Variants in OSBP observed in about 807,000 individuals in gnomAD.
OSBP encodes the protein oxysterol-binding protein 1.
Under a neutral mutation model 96.6 loss-of-function variants are expected in OSBP, and 32 were observed. The ratio of observed to expected loss-of-function variants is 0.33; its 90% confidence interval spans 0.25 to 0.45. The LOEUF (loss-of-function observed/expected upper bound fraction) is 0.45. Among genes scored for constraint, OSBP ranks in the 20% least tolerant of loss-of-function variants. OSBP has a pLI of 1.00. For synonymous variants in OSBP, 369 were observed against 389.6 expected (o/e 0.95, Z 0.62); for missense variants, 653 against 1,029.7 (o/e 0.63, Z 5.01).
chr11:59,610,377 T>TG lies in OSBP; in HGVS notation c.571+3dup. On this transcript the variant is annotated splice_donor_region_variant and intron_variant, in intron 2 of 13. Transcript: ENST00000263847. ...TCCCCAGGCAGGTGTTCTTTGTTCC[T>TG]GACCTGACTCTGCCAGCATCTTCAC... 2 of 1,612,384 alleles carry TG rather than the reference T, an allele frequency of 1.2e-6. No homozygotes were observed. Among genetic ancestry groups the TG allele is most frequent in the Non-Finnish European group, 1.7e-6 (2 of 1,179,718 alleles).
At position 59,604,288 on chromosome 11, in the gene OSBP, C is replaced by T. The variant is rs112994936; in HGVS notation, c.823-2450G>A. 5.8e-3 allele frequency among the ~76,000 whole-genome samples: 883 copies of T among 152,166 alleles called. 4 individuals carry two copies. Among genetic ancestry groups the T allele is most frequent in the African/African-American group, 0.02 (827 of 41,510 alleles). ...ATTATAAGCTGGGCATGGTAGCTCA[C>T]GTATGTAAAACACTTTGGAAGGCCA... On this transcript the variant is annotated intron_variant, in intron 3 of 13. Coordinates refer to ENST00000263847, the MANE Select transcript of OSBP (RefSeq NM_002556.3).
At chr11:59,590,440 G>A (rs926124230) in intron 9 of OSBP, among the ~76,000 whole-genome samples, 1 of 152,184 alleles carries the variant, frequency 6.6e-6, no homozygotes, top group African/African-American at 2.4e-5. Flanking sequence ...AGCTGGTTAA[G>A]TTGACCCTGA....
intron 1 of OSBP, among the ~76,000 whole-genome samples, chr11:59,612,631 A>G (rs928583555): frequency 1.3e-5 from 2 of 152,238 alleles, no homozygotes; most frequent in South Asian, 2.1e-4. Context: ...GAGTCTGGGC[A>G]GATACACTTA....
chr11:59,585,053 G>A (rs1860478355), intron 9 of OSBP, among the ~76,000 whole-genome samples: 1 of 151,824 alleles, frequency 6.6e-6, no homozygotes. Flanking sequence ...CTGCCCGGCC[G>A]CCACCCCGTC....
Position 59,610,255 on chromosome 11 carries a change from C to T in OSBP, c.571+126G>A, listed in dbSNP as rs569312108. ...CTCCAGCAGAAATACTGCATGAAGACGAGAAGCTTGAGACCTCTAGGAAAT... is the reference window on the plus strand; with the variant it reads ...CTCCAGCAGAAATACTGCATGAAGATGAGAAGCTTGAGACCTCTAGGAAAT... On this transcript the variant is annotated intron_variant, in intron 2 of 13. Transcript: ENST00000263847. 1.4e-5 allele frequency: 11 copies of T among 809,068 alleles called. No homozygotes were observed. The Admixed American group carries it at 1.7e-4, about 12-fold the overall frequency. The allele number at this position is 809,068 out of a possible 1,614,324, so 50.1% of individuals were successfully genotyped here. A position where few individuals can be genotyped will look rare whatever the true frequency, so the allele number is the denominator to read the frequency against.
At chr11:59,606,249 C>T (rs1590677823) in intron 3 of OSBP, among the ~76,000 whole-genome samples, 1 of 151,922 alleles carries the variant, frequency 6.6e-6, no homozygotes, top group Non-Finnish European at 1.5e-5. Context: ...CAATAGATGG[C>T]AGATGAATAT....
chr11:59,611,922 G>A (rs1178551974), intron 1 of OSBP, among the ~76,000 whole-genome samples: 1 of 152,202 alleles, frequency 6.6e-6, no homozygotes, highest in Non-Finnish European at 1.5e-5. Context: ...CACAAACTGT[G>A]TCATTTCCCT....
intron 11 of OSBP, 80 bp downstream of exon 11, chr11:59,580,094 T>G: frequency 1.1e-6 from 1 of 914,116 alleles, no homozygotes; most frequent in Non-Finnish European, 1.8e-6. Flanking sequence ...CCCACATGTA[T>G]ATACATTCCA....
chr11:59,610,257 A>T, intron 2 of OSBP, 124 bp downstream of exon 2: 1 of 824,418 alleles, frequency 1.2e-6, no homozygotes, highest in Non-Finnish European at 2.0e-6. Context: ...CATGAAGACG[A>T]GAAGCTTGAG....
Position 59,576,155 on chromosome 11 carries a change from A to G in OSBP, c.*422T>C, listed in dbSNP as rs1177616865. ...TGTGTTTCTTTTTAAGGGAACTTCTAAATTCGGCTCTTGCTTTTAACAGCA... is the reference window on the plus strand; with the variant it reads ...TGTGTTTCTTTTTAAGGGAACTTCTGAATTCGGCTCTTGCTTTTAACAGCA... On this transcript the variant is annotated 3_prime_UTR_variant, in exon 14 of 14. Transcript: ENST00000263847. 1 of 165,026 alleles carries G rather than the reference A, an allele frequency of 6.1e-6. No individual in the cohort carries two copies. The highest frequency in any genetic ancestry group is 1.8e-4 in the East Asian group (1 of 5,588). 10.2% of individuals were successfully genotyped at this position (165,026 alleles called of 1,614,324 possible).
At chr11:59,607,401 T>C (rs1308281546) in intron 3 of OSBP, among the ~76,000 whole-genome samples, 1 of 152,188 alleles carries the variant, frequency 6.6e-6, no homozygotes, top group Non-Finnish European at 1.5e-5. Flanking sequence ...CTTTTTACTT[T>C]GTGTGAATCA....
intron 9 of OSBP, among the ~76,000 whole-genome samples, chr11:59,585,386 G>GA (rs1483972975): frequency 4.9e-3 from 9 of 1,834 alleles, no homozygotes; most frequent in Middle Eastern, 0.25. Context: ...GAAGTGAGGA[G>GA]ACCTCGCCCG....
Position 59,600,530 on chromosome 11 carries a change from C to A in OSBP, c.1277G>T (p.Cys426Phe). 1 of 1,614,030 alleles carries A rather than the reference C, an allele frequency of 6.2e-7. No individual in the cohort carries two copies. Among genetic ancestry groups the A allele is most frequent in the Non-Finnish European group, 8.5e-7 (1 of 1,179,990 alleles). ...SLNLWSIMKNCIGKELSKIPM... is the reference protein window; with the variant it reads ...SLNLWSIMKNFIGKELSKIPM... ...GATCTTAGAGAGTTCTTTTCCAATG[C>A]AGTTCTTCATGATGCTCCATAAATT... Residue 426 changes from cysteine (C) to phenylalanine (F), a missense_variant, in exon 7 of 14, where the codon TGC (cysteine) becomes TTC (phenylalanine). Coordinates refer to ENST00000263847, the MANE Select transcript of OSBP (RefSeq NM_002556.3).
rs1590670529 is a variant in OSBP at position 59,589,235 on chromosome 11, G to C, written c.1678+4369C>G. On this transcript the variant is annotated intron_variant, in intron 9 of 13. Transcript: ENST00000263847. ...ACTCTTGGGCCCAAGTGATCCTCCTGCCTTGGCCTCCCAAAGTGTTGGGAT... is the reference window on the plus strand; with the variant it reads ...ACTCTTGGGCCCAAGTGATCCTCCTCCCTTGGCCTCCCAAAGTGTTGGGAT... 2.0e-5 allele frequency among the ~76,000 whole-genome samples: 3 copies of C among 148,454 alleles called. No individual in the cohort carries two copies. In the South Asian group the frequency reaches 6.3e-4, roughly 31 times the overall value.
chr11:59,587,207 G>A (rs550822), intron 9 of OSBP, among the ~76,000 whole-genome samples: 26,037 of 152,024 alleles, frequency 0.17, 4,076 homozygotes, highest in African/African-American at 0.41. Flanking sequence ...CAAGTCAAAA[G>A]TGGGGAAAGG....
intron 7 of OSBP, among the ~76,000 whole-genome samples, chr11:59,596,201 G>A (rs904254339): frequency 6.6e-5 from 10 of 151,780 alleles, no homozygotes; most frequent in Non-Finnish European, 1.2e-4. Flanking sequence ...GCACACTGAG[G>A]GGTGGCGCGC....
rs1860722591 is a variant in OSBP at position 59,601,374 on chromosome 11, AGC to A, written c.1031_1032del (p.Cys344PhefsTer9). On this transcript the variant is annotated frameshift_variant, in exon 5 of 14. Coordinates refer to ENST00000263847, the MANE Select transcript of OSBP (RefSeq NM_002556.3). LOFTEE classifies it high-confidence loss of function. ...TCATCGCTCATGTCCCCTTTGCCAG[AGC>A]AGCACTGATCTACAAGAAGAAAAGC... ...GNVGSGKDQCCSGKGDMSDED... is the reference protein window; with the variant it reads ...GNVGSGKDQCXSGKGDMSDED... 6.2e-7 allele frequency: 1 copy of A among 1,610,012 alleles called. No homozygotes were observed. Among genetic ancestry groups the A allele is most frequent in the African/African-American group, 1.3e-5 (1 of 74,866 alleles).
At chr11:59,579,218 A>G (rs936941588) in intron 11 of OSBP, among the ~76,000 whole-genome samples, 3 of 152,118 alleles carry the variant, frequency 2.0e-5, no homozygotes, top group African/African-American at 7.2e-5. Flanking sequence ...CTCATGACAC[A>G]AATCATTATG....
chr11:59,589,417 A>ATGG (rs1860548858), intron 9 of OSBP, among the ~76,000 whole-genome samples: 1 of 151,878 alleles, frequency 6.6e-6, no homozygotes, highest in Admixed American at 6.5e-5. Context: ...CCTGGCCAAC[A>ATGG]TGGTGGAACC....
Sources: gnomAD v4.1 joint callset for allele counts (sites outside exome capture counted in the v4.1 genomes callset) on GRCh38, gnomAD v4.1.1 for gene constraint, MANE v1.5 for transcripts, NCBI Gene and HGNC (gene_info 2026-07-23, HGNC 2026-07-21) for gene names.